Variants in DNER observed in about 807,000 individuals in gnomAD.
The protein encoded by DNER is delta and Notch-like epidermal growth factor-related receptor.
In DNER, 33 loss-of-function variants were observed where a neutral mutation model predicts 78.2. That is an observed-to-expected ratio of 0.42 (90% CI 0.32 to 0.56). DNER has a LOEUF of 0.56. DNER is among the 20% of genes least tolerant of loss of function. The probability of loss-of-function intolerance (pLI) is 0.11; values close to 1 mark genes in which losing one functional copy is unlikely to be tolerated. For synonymous variants in DNER, 417 were observed against 384.8 expected (o/e 1.08, Z -0.98); for missense variants, 918 against 975.3 (o/e 0.94, Z 0.78).
At chr2:229,615,310 C>G (rs754327445) in intron 1 of DNER, among the ~76,000 whole-genome samples, 1 of 151,432 alleles carries the variant, frequency 6.6e-6, no homozygotes, top group Non-Finnish European at 1.5e-5. Flanking sequence ...ACTCGGGAAG[C>G]TGAGGCAGAA....
intron 7 of DNER, among the ~76,000 whole-genome samples, chr2:229,460,885 G>A (rs912260439): frequency 6.6e-6 from 1 of 152,030 alleles, no homozygotes; most frequent in African/African-American, 2.4e-5. Context: ...ATATTCAGAA[G>A]AAGCACCTGT....
At chr2:229,669,043 A>G (rs891095031) in intron 1 of DNER, among the ~76,000 whole-genome samples, 1 of 152,152 alleles carries the variant, frequency 6.6e-6, no homozygotes, top group Admixed American at 6.5e-5. Context: ...TGCAGTCATA[A>G]AAAAGGATGA....
At chr2:229,546,700 C>A (rs1272474828) in intron 5 of DNER, among the ~76,000 whole-genome samples, 1 of 152,176 alleles carries the variant, frequency 6.6e-6, no homozygotes. Context: ...CACACCACTG[C>A]ACTCCAGCCT....
At chr2:229,563,406 C>T (rs973611632) in intron 4 of DNER, among the ~76,000 whole-genome samples, 4 of 149,058 alleles carry the variant, frequency 2.7e-5, no homozygotes, top group South Asian at 2.1e-4. Context: ...TCATCATCAC[C>T]CCATCGCCAT....
At chr2:229,384,777 C>A (rs2106333990) in intron 11 of DNER, among the ~76,000 whole-genome samples, 1 of 152,102 alleles carries the variant, frequency 6.6e-6, no homozygotes, top group East Asian at 1.9e-4. Context: ...TAATAGCCTA[C>A]AAACCAAAAA....
intron 1 of DNER, among the ~76,000 whole-genome samples, chr2:229,616,348 T>C (rs1254009227): frequency 6.7e-6 from 1 of 149,708 alleles, no homozygotes; most frequent in Admixed American, 6.6e-5. Flanking sequence ...AAATACATCA[T>C]TTACTTATTA....
chr2:229,631,955 C>T (rs1032344542), intron 1 of DNER, among the ~76,000 whole-genome samples: 1 of 152,198 alleles, frequency 6.6e-6, no homozygotes, highest in African/African-American at 2.4e-5. Context: ...TATGGTCACT[C>T]TTATTACTAA....
intron 6 of DNER, among the ~76,000 whole-genome samples, chr2:229,507,829 T>G (rs1695776010): frequency 6.6e-6 from 1 of 152,336 alleles, no homozygotes; most frequent in African/African-American, 2.4e-5. Context: ...CCTTTAGATC[T>G]TCATGCAGGG....
At chr2:229,639,990 C>A (rs182847448) in intron 1 of DNER, among the ~76,000 whole-genome samples, 2 of 152,290 alleles carry the variant, frequency 1.3e-5, no homozygotes, top group Admixed American at 6.5e-5. Context: ...TATGAAGGAG[C>A]CCTTGAAGAA....
In DNER at chr2:229,453,845, G is replaced by A. The variant is rs539353638; in HGVS notation, c.1262-6305C>T. Among the ~76,000 whole-genome samples the A allele has an allele frequency of 1.7e-4, 26 of 150,466 alleles. 1 individual carries two copies. In the South Asian group the frequency reaches 4.8e-3, roughly 28 times the overall value. Reference sequence around the variant, plus strand: ...TAAATGGACAGACAGGCAGACAGACGGATGGATGAATAGACAGCTAGCTAA... The same window carrying A: ...TAAATGGACAGACAGGCAGACAGACAGATGGATGAATAGACAGCTAGCTAA... On this transcript the variant is annotated intron_variant, in intron 7 of 12. Coordinates refer to ENST00000341772, the MANE Select transcript of DNER (RefSeq NM_139072.4).
chr2:229,458,387 T>C (rs1304036449), intron 7 of DNER, among the ~76,000 whole-genome samples: 1 of 151,812 alleles, frequency 6.6e-6, no homozygotes, highest in Non-Finnish European at 1.5e-5. Context: ...GAAAAACTGC[T>C]AGCAAGAGAA....
chr2:229,571,507 G>A (rs1697217821), intron 4 of DNER, among the ~76,000 whole-genome samples: 2 of 151,518 alleles, frequency 1.3e-5, no homozygotes, highest in African/African-American at 4.9e-5. Context: ...TGCTCCCCAC[G>A]CCTTCTCTCT....
chr2:229,684,099 A>ACAGTGT (rs1491112223), intron 1 of DNER, among the ~76,000 whole-genome samples: 1 of 83,116 alleles, frequency 1.2e-5, no homozygotes, highest in Non-Finnish European at 3.0e-5. Flanking sequence ...AGTACCTACC[A>ACAGTGT]GAGTGTGTGT....
intron 8 of DNER, among the ~76,000 whole-genome samples, chr2:229,423,789 T>C (rs1338422203): frequency 6.6e-6 from 1 of 152,112 alleles, no homozygotes; most frequent in African/African-American, 2.4e-5. Flanking sequence ...AACAAAAACA[T>C]CAACAAAAAT....
intron 5 of DNER, among the ~76,000 whole-genome samples, chr2:229,523,344 A>C (rs1031038916): frequency 1.3e-5 from 2 of 152,172 alleles, no homozygotes; most frequent in African/African-American, 4.8e-5. Flanking sequence ...AAACAACACA[A>C]GTTTCTTTCT....
At chr2:229,603,578 A>G (rs1239396462) in intron 1 of DNER, among the ~76,000 whole-genome samples, 1 of 152,210 alleles carries the variant, frequency 6.6e-6, no homozygotes, top group Non-Finnish European at 1.5e-5. Context: ...ATAAACAGCA[A>G]AAGTGACCCA....
Position 229,532,254 on chromosome 2 carries a change from G to T in DNER, c.993+14693C>A, listed in dbSNP as rs190515953. On this transcript the variant is annotated intron_variant, in intron 5 of 12. Transcript: ENST00000341772. ...GGAAGGTTTCCTCCCCTTCTCTGCA[G>T]CTTTCCTTACCTCTGTCAATTCCAT... is the stretch of plus-strand genomic sequence containing the variant. 3.9e-5 allele frequency among the ~76,000 whole-genome samples: 6 copies of T among 152,152 alleles called. No individual in the cohort carries two copies. The East Asian group carries it at 1.2e-3, about 29-fold the overall frequency.
intron 4 of DNER, among the ~76,000 whole-genome samples, chr2:229,565,286 T>C (rs10193603): frequency 0.024 from 3,728 of 152,238 alleles, 158 homozygotes; most frequent in African/African-American, 0.086. Flanking sequence ...ATCTATGAAA[T>C]GGAATTTGTT....
At position 229,443,145 on chromosome 2, in the gene DNER, T is replaced by A. The variant is rs545687781; in HGVS notation, c.1486+4171A>T. Among the ~76,000 whole-genome samples the A allele has an allele frequency of 4.6e-5, 7 of 152,302 alleles. No individual in the cohort carries two copies. In the East Asian group the frequency reaches 1.3e-3, roughly 29 times the overall value. On this transcript the variant is annotated intron_variant, in intron 8 of 12. Transcript: ENST00000341772. ...CCACGTAAAAATCTCCAATGCCCTGTCCCTTAAATTCCCTTAAATAGTAAT... is the reference window on the plus strand; with the variant it reads ...CCACGTAAAAATCTCCAATGCCCTGACCCTTAAATTCCCTTAAATAGTAAT...
Sources: allele counts gnomAD v4.1 joint callset (sites outside exome capture counted in the v4.1 genomes callset), GRCh38; gene constraint gnomAD v4.1.1; transcripts MANE v1.5; gene names NCBI Gene and HGNC (gene_info 2026-07-23, HGNC 2026-07-21).